CEP128: variants seen among roughly 807,000 people sequenced by gnomAD.
CEP128 encodes the protein centrosomal protein 128, also known as centrosomal protein 128kDa.
In CEP128, 132 loss-of-function variants were observed where a neutral mutation model predicts 156.7. That is an observed-to-expected ratio of 0.84 (90% CI 0.73 to 0.97). The LOEUF is 0.97. Among genes scored for constraint, CEP128 ranks in the 50% least tolerant of loss-of-function variants. CEP128 has a pLI of 0.00. For synonymous variants in CEP128, 469 were observed against 448.9 expected (o/e 1.04, Z -0.57); for missense variants, 1,252 against 1,281.9 (o/e 0.98, Z 0.36).
rs574347637 is a variant in CEP128, at chr14:80,616,641, C to A, written c.2807-36218G>T. 1.2e-3 allele frequency among the ~76,000 whole-genome samples: 179 copies of A among 152,226 alleles called. 1 individual carries two copies. Among genetic ancestry groups the A allele is most frequent in the African/African-American group, 4.2e-3 (176 of 41,542 alleles). On this transcript the variant is annotated intron_variant, in intron 19 of 24. Coordinates refer to ENST00000555265, the MANE Select transcript of CEP128 (RefSeq NM_152446.5). ...ATAGCAGAAGGGTCACGGAATATGT[C>A]CAAACTTACTTTAGTTCTCCCAATA...
chr14:80,898,008 G>A (rs1889428621), intron 7 of CEP128, among the ~76,000 whole-genome samples: 2 of 152,152 alleles, frequency 1.3e-5, no homozygotes, highest in Admixed American at 6.5e-5. Context: ...TCAAACTCCT[G>A]AGCTCAAATG....
At chr14:80,484,556 T>C (rs1196039776) in intron 14 of CEP128, among the ~76,000 whole-genome samples, 1 of 152,204 alleles carries the variant, frequency 6.6e-6, no homozygotes, top group African/African-American at 2.4e-5. Flanking sequence ...AGTCATGGTA[T>C]TGAGATCAGT....
intron 19 of CEP128, among the ~76,000 whole-genome samples, chr14:80,640,190 T>C (rs1344571371): frequency 1.3e-5 from 2 of 152,132 alleles, no homozygotes; most frequent in Admixed American, 1.3e-4. Context: ...TAGGACACAC[T>C]CTCATCTTTC....
chr14:80,618,248 A>C (rs1186378071), intron 19 of CEP128, among the ~76,000 whole-genome samples: 2 of 152,230 alleles, frequency 1.3e-5, no homozygotes, highest in Non-Finnish European at 2.9e-5. Context: ...ACGTGTGATC[A>C]TCAAGCAATT....
At chr14:80,789,028 A>G (rs1901567680) in intron 14 of CEP128, among the ~76,000 whole-genome samples, 1 of 152,122 alleles carries the variant, frequency 6.6e-6, no homozygotes, top group African/African-American at 2.4e-5. Flanking sequence ...CATGAATACT[A>G]TGGAACCCAA....
chr14:80,643,392 G>A (rs1217595075), intron 19 of CEP128, among the ~76,000 whole-genome samples: 1 of 152,100 alleles, frequency 6.6e-6, no homozygotes. Context: ...TGCAAATGTG[G>A]GGTGCAACAC....
In CEP128 at chr14:80,520,611, A is replaced by AT. The variant is rs751585340; in HGVS notation, c.3072+6257dup. ...GTCAATAATGAAAAGATTTTACTCA[A>AT]TTTTTTTTTCTTTTTACTTACTTCA... On this transcript the variant is annotated intron_variant, in intron 23 of 24. Coordinates refer to ENST00000555265, the MANE Select transcript of CEP128 (RefSeq NM_152446.5). Among the ~76,000 whole-genome samples, 398 of 151,662 alleles carry AT rather than the reference A, an allele frequency of 2.6e-3. 2 individuals are homozygous for AT. Among genetic ancestry groups the AT allele is most frequent in the Middle Eastern group, 0.01 (3 of 294 alleles).
At chr14:80,618,856 G>A (rs565507135) in intron 19 of CEP128, among the ~76,000 whole-genome samples, 9 of 152,136 alleles carry the variant, frequency 5.9e-5, no homozygotes, top group Non-Finnish European at 7.3e-5. Flanking sequence ...GCAGACCTGC[G>A]TATTTGTATC....
chr14:80,702,779 GATACCTTGC>G (rs1897116654), intron 19 of CEP128, among the ~76,000 whole-genome samples: 1 of 152,044 alleles, frequency 6.6e-6, no homozygotes, highest in East Asian at 1.9e-4. Context: ...TGGTTGCTTG[GATACCTTGC>G]AGCAACTGCC....
intron 2 of CEP128, among the ~76,000 whole-genome samples, chr14:80,951,575 CAT>C (rs1430283603): frequency 6.6e-6 from 1 of 152,008 alleles, no homozygotes; most frequent in Admixed American, 6.5e-5. Flanking sequence ...TGACTCCAAA[CAT>C]ATGTTTAAAA....
chr14:80,517,007 T>C (rs1178317407), intron 23 of CEP128, among the ~76,000 whole-genome samples: 2 of 152,162 alleles, frequency 1.3e-5, no homozygotes, highest in Non-Finnish European at 2.9e-5. Context: ...GGGGGACAAT[T>C]GCTGGAGGGT....
intron 19 of CEP128, among the ~76,000 whole-genome samples, chr14:80,594,854 A>G (rs952570085): frequency 2.0e-5 from 3 of 152,202 alleles, no homozygotes; most frequent in Non-Finnish European, 4.4e-5. Context: ...CAGAAATAGG[A>G]ACACTTTTAC....
chr14:80,943,678 AGACGTGGCAT>A (rs1286129822), upstream of CEP128, among the ~76,000 whole-genome samples: 1 of 152,218 alleles, frequency 6.6e-6, no homozygotes, highest in East Asian at 1.9e-4. Context: ...CTCAGTCAAC[AGACGTGGCAT>A]CCCAAAAAAA....
intron 19 of CEP128, among the ~76,000 whole-genome samples, chr14:80,642,278 T>G (rs7153490): frequency 0.9 from 137,409 of 152,170 alleles, 62,210 homozygotes; most frequent in African/African-American, 0.97. Flanking sequence ...GTTTTGTCCA[T>G]TAATAAAGCT....
rs1207229463 is a variant in CEP128, at chr14:80,761,606, T to C, written c.2384A>G (p.His795Arg). Reference protein sequence around the residue: ...LKDQLEEREKHISIEEEHLRR... With the variant: ...LKDQLEEREKRISIEEEHLRR... Reference sequence around the variant, plus strand: ...TAAGTGCTCCTCTTCAATGCTTATATGTTTTTCCTAAGGCATTGAAAGAAA... The same window carrying C: ...TAAGTGCTCCTCTTCAATGCTTATACGTTTTTCCTAAGGCATTGAAAGAAA... Residue 795 changes from histidine to arginine, a missense_variant, in exon 17 of 25, where the codon CAT (histidine) becomes CGT (arginine). Coordinates refer to ENST00000555265, the MANE Select transcript of CEP128 (RefSeq NM_152446.5). 6.3e-7 allele frequency: 1 copy of C among 1,589,350 alleles called. No individual in the cohort carries two copies. The highest frequency in any genetic ancestry group is 1.7e-5 in the Admixed American group (1 of 57,200).
intron 6 of CEP128, among the ~76,000 whole-genome samples, chr14:80,902,473 T>C (rs12050151): frequency 0.15 from 23,190 of 152,184 alleles, 2,052 homozygotes; most frequent in Admixed American, 0.22. Context: ...CAGTAACAAG[T>C]GACAGCTACA....
intron 24 of CEP128, among the ~76,000 whole-genome samples, chr14:80,503,878 C>T (rs1388113862): frequency 6.6e-6 from 1 of 152,046 alleles, no homozygotes; most frequent in African/African-American, 2.4e-5. Context: ...AATGAAAAAC[C>T]ACACCACTTA....
intron 18 of CEP128, among the ~76,000 whole-genome samples, chr14:80,748,302 G>T (rs1240103911): frequency 6.6e-6 from 1 of 152,046 alleles, no homozygotes; most frequent in Non-Finnish European, 1.5e-5. Flanking sequence ...AGCTTCCATA[G>T]GACAGAAATC....
intron 21 of CEP128, among the ~76,000 whole-genome samples, chr14:80,532,879 C>G (rs188247541): frequency 2.0e-5 from 3 of 152,256 alleles, no homozygotes; most frequent in East Asian, 1.9e-4. Flanking sequence ...AATACCTTTA[C>G]TCTGCCATTC....
Sources: gnomAD v4.1 joint callset for allele counts (sites outside exome capture counted in the v4.1 genomes callset) on GRCh38, gnomAD v4.1.1 for gene constraint, MANE v1.5 for transcripts, NCBI Gene and HGNC (gene_info 2026-07-23, HGNC 2026-07-21) for gene names.